BSN: variants seen among roughly 807,000 people sequenced by gnomAD.
The protein encoded by BSN is protein bassoon.
A neutral mutation model predicts 264.8 loss-of-function variants in BSN; 57 were observed. The ratio of observed to expected loss-of-function variants is 0.22; its 90% CI spans 0.17 to 0.27. The LOEUF is 0.27. BSN is among the 10% of genes least tolerant of loss of function. BSN has a pLI of 1.00. For missense variants in BSN, 4,615 were observed against 5,232.5 expected (o/e 0.88, Z 3.64); for synonymous variants, 2,059 against 2,137.3 (o/e 0.96, Z 1.01).
In BSN at chr3:49,661,101, C is replaced by T; in HGVS notation, c.9256C>T (p.Pro3086Ser). 1 of 1,612,070 alleles carries T rather than the reference C, an allele frequency of 6.2e-7. No individual in the cohort carries two copies. Among genetic ancestry groups the T allele is most frequent in the Non-Finnish European group, 8.5e-7 (1 of 1,179,690 alleles). Residue 3086 changes from proline (P) to serine (S), a missense_variant, in exon 6 of 12, where the codon CCC becomes TCC. By Grantham distance (74) the Pro-to-Ser change is moderately conservative (BLOSUM62 -1). Transcript: ENST00000296452. Reference protein sequence around the residue: ...PAHQAPTYPGPSTYPAPAFPP... With the variant: ...PAHQAPTYPGSSTYPAPAFPP... The stretch of plus-strand genomic sequence containing the variant: ...CCACCAGGCCCCCACCTACCCTGGC[C>T]CCAGCACGTACCCAGCTCCTGCCTT...
Position 49,625,103 on chromosome 3 carries a change from C to A in BSN, c.353C>A (p.Ala118Glu). ...SPRETRAQGP[A>E]GQEADGPRRT... ...CGAGAGACAAGGGCACAGGGACCAGCAGGCCAGGAGGCTGATGGTCCCCGC... is the reference window on the plus strand; with the variant it reads ...CGAGAGACAAGGGCACAGGGACCAGAAGGCCAGGAGGCTGATGGTCCCCGC... The change falls in exon 2 of 12, where the codon GCA becomes GAA. Residue 118 changes from alanine to glutamate, a missense_variant. Transcript: ENST00000296452. The surrounding 1 kb of genome is among the most constrained non-coding windows in gnomAD (Gnocchi z 4.4). 1.2e-6 allele frequency: 2 copies of A among 1,604,512 alleles called. No homozygotes were observed. Among genetic ancestry groups the A allele is most frequent in the Non-Finnish European group, 1.7e-6 (2 of 1,175,618 alleles).
At chr3:49,627,467 G>A (rs760556982) in intron 2 of BSN, among the ~76,000 whole-genome samples, 3 of 152,182 alleles carry the variant, frequency 2.0e-5, no homozygotes, top group Non-Finnish European at 4.4e-5. Flanking sequence ...AGCATAATTC[G>A]TGAACCAGTG....
chr3:49,661,059 CAG>C lies in BSN; in HGVS notation c.9216_9217del (p.Asn3073ArgfsTer30). The C allele has an allele frequency of 6.2e-7, 1 of 1,611,940 alleles. No individual in the cohort carries two copies. The highest frequency in any genetic ancestry group is 2.2e-5 in the East Asian group (1 of 44,878). ...QYSAGSGGPT[Q>X]NGFPAHQAPT... ...TTCTGCAGGCAGTGGTGGGCCAACT[CAG>C]AACGGATTCCCAGCCCACCAGGCCC... is the stretch of plus-strand genomic sequence containing the variant. On this transcript the variant is annotated frameshift_variant, in exon 6 of 12. Coordinates refer to ENST00000296452, the MANE Select transcript of BSN (RefSeq NM_003458.4). LOFTEE classifies it high-confidence loss of function.
rs1383018306 is a variant in BSN at position 49,608,814 on chromosome 3, C to G, written c.225-16161C>G. 4.2e-5 allele frequency among the ~76,000 whole-genome samples: 6 copies of G among 144,242 alleles called. No homozygotes were observed. In the Admixed American group the frequency reaches 4.3e-4, roughly 10 times the overall value. The allele number at this position is 144,242 out of a possible 152,430, so 94.6% of individuals were successfully genotyped here. On this transcript the variant is annotated intron_variant, in intron 1 of 11. Coordinates refer to ENST00000296452, the MANE Select transcript of BSN (RefSeq NM_003458.4). ...CTGCACTCTAGCCTGGGTGATAGAG[C>G]AAGACTCCGTCTCGGGAAAAAAAAA...
chr3:49,569,677 A>T (rs558984452), intron 1 of BSN, among the ~76,000 whole-genome samples: 1 of 152,326 alleles, frequency 6.6e-6, no homozygotes, highest in Non-Finnish European at 1.5e-5. Context: ...TTTAAGGCTC[A>T]GACTGGGCAG....
rs201952073 is a variant in BSN, at chr3:49,650,858, C to G, written c.1765C>G (p.Gln589Glu). The change falls in exon 4 of 12, where the codon CAG (glutamine) becomes GAG (glutamate). Residue 589 changes from glutamine (Q) to glutamate (E), a missense_variant. Coordinates refer to ENST00000296452, the MANE Select transcript of BSN (RefSeq NM_003458.4). ...ASPLPSKASP[Q>E]AKPLRASEPS... Reference sequence around the variant, plus strand: ...CCCTCTGCCCAGCAAGGCCAGCCCCCAGGCCAAGCCCCTCAGGGCTTCTGA... The same window carrying G: ...CCCTCTGCCCAGCAAGGCCAGCCCCGAGGCCAAGCCCCTCAGGGCTTCTGA... The G allele has an allele frequency of 9.9e-6, 16 of 1,614,206 alleles. No homozygotes were observed. The African/African-American group carries it at 1.2e-4, about 12-fold the overall frequency.
intron 1 of BSN, among the ~76,000 whole-genome samples, chr3:49,611,992 G>T (rs1274509469): frequency 6.6e-6 from 1 of 152,138 alleles, no homozygotes; most frequent in Non-Finnish European, 1.5e-5. Context: ...CTGCTGATGA[G>T]CTATTACCCA....
intron 5 of BSN, 131 bp downstream of exon 5, chr3:49,658,327 C>A: frequency 8.8e-7 from 1 of 1,137,484 alleles, no homozygotes. Context: ...GGGAAAGAGT[C>A]AATGAGCAGA....
In BSN at chr3:49,651,196, A is replaced by C. The variant is rs2108080020; in HGVS notation, c.1986+117A>C. The C allele has an allele frequency of 9.9e-7, 1 of 1,013,902 alleles. No homozygotes were observed. The highest frequency in any genetic ancestry group is 1.4e-6 in the Non-Finnish European group (1 of 713,104). The allele number at this position is 1,013,902 out of a possible 1,614,324, so 62.8% of individuals were successfully genotyped here. A position where few individuals can be genotyped will look rare whatever the true frequency, so the allele number is the denominator to read the frequency against. On this transcript the variant is annotated intron_variant, in intron 4 of 11. Coordinates refer to ENST00000296452, the MANE Select transcript of BSN (RefSeq NM_003458.4). This position sits in a 1 kb window ranked among gnomAD's most constrained non-coding sequence, Gnocchi z 5.4. ...CAGGACAGGTGCCTTGGGGCCACAC[A>C]GGAGGGAAGGGACACAGTAGAAGGA...
At position 49,650,895 on chromosome 3, in the gene BSN, C is replaced by A. The variant is rs1290326744; in HGVS notation, c.1802C>A (p.Thr601Asn). 6.2e-7 allele frequency: 1 copy of A among 1,614,206 alleles called. No homozygotes were observed. Among genetic ancestry groups the A allele is most frequent in the Non-Finnish European group, 8.5e-7 (1 of 1,180,044 alleles). ...KPLRASEPSK[T>N]PSSVQEKKTR... is the part of the protein sequence containing the mutation. ...CTCAGGGCTTCTGAACCCAGCAAGA[C>A]CCCAAGCAGTGTCCAGGAAAAGAAG... is the stretch of plus-strand genomic sequence containing the variant. The change falls in exon 4 of 12, where the codon ACC becomes AAC. Residue 601 changes from threonine to asparagine, a missense_variant. This residue lies in a region of BSN where 1,197 missense variants were observed against 1,348.0 expected (regional missense o/e 0.89). Coordinates refer to ENST00000296452, the MANE Select transcript of BSN (RefSeq NM_003458.4).
intron 1 of BSN, among the ~76,000 whole-genome samples, chr3:49,565,104 C>T (rs2051742199): frequency 2.1e-5 from 3 of 144,296 alleles, no homozygotes; most frequent in African/African-American, 7.6e-5. Context: ...CTTGTTTTAT[C>T]TATATTCCTC....
At position 49,573,899 on chromosome 3, in the gene BSN, C is replaced by T. The variant is rs200320924; in HGVS notation, c.224+19073C>T. Among the ~76,000 whole-genome samples the T allele has an allele frequency of 8.4e-4, 128 of 152,070 alleles. 2 individuals carry two copies. The East Asian group carries it at 0.02, about 24-fold the overall frequency. ...CTCGAACTCCCGACCTCAGGTGATC[C>T]GCCCGCCTCGGCCTCCCAAAGTGCT... On this transcript the variant is annotated intron_variant, in intron 1 of 11. Transcript: ENST00000296452.
chr3:49,583,462 T>C (rs1321291278), intron 1 of BSN, among the ~76,000 whole-genome samples: 1 of 152,098 alleles, frequency 6.6e-6, no homozygotes. Flanking sequence ...AATTTATTTT[T>C]GGCTGGGCAC....
At position 49,657,298 on chromosome 3, in the gene BSN, C is replaced by T; in HGVS notation, c.7742C>T (p.Ala2581Val). 9 of 1,613,314 alleles carry T rather than the reference C, an allele frequency of 5.6e-6. No homozygotes were observed. The highest frequency in any genetic ancestry group is 7.6e-6 in the Non-Finnish European group (9 of 1,179,874). Residue 2581 changes from alanine to valine, a missense_variant, in exon 5 of 12, where the codon GCC becomes GTC. Ala to Val is a moderately conservative substitution (Grantham distance 64, BLOSUM62 0). Transcript: ENST00000296452. ...GAGCCCTGTGTGGTCAGGAGGATTG[C>T]CGACAGCAGCGTGCAGACAGACGAT... ...GTEPCVVRRI[A>V]DSSVQTDDED...
At chr3:49,574,469 C>G (rs866934627) in intron 1 of BSN, among the ~76,000 whole-genome samples, 1 of 151,846 alleles carries the variant, frequency 6.6e-6, no homozygotes, top group African/African-American at 2.4e-5. Flanking sequence ...CCATGACACC[C>G]CTGACCACAG....
rs1397159989 is a variant in BSN, at chr3:49,654,183, C to T, written c.4627C>T (p.Pro1543Ser). ...GTQTPHRPSTPRLVWQESSQE... is the reference protein window; with the variant it reads ...GTQTPHRPSTSRLVWQESSQE... ...ACAAACACCACATCGACCCAGCACG[C>T]CTCGCCTGGTGTGGCAGGAGTCCTC... Residue 1543 changes from proline (P) to serine (S), a missense_variant, in exon 5 of 12, where the codon CCT (proline) becomes TCT (serine). By Grantham distance (74) the Pro-to-Ser change is moderately conservative. Around this residue, in one of 3 missense-constraint regions of BSN, gnomAD observed 3,415 missense variants for 3,866.4 expected, o/e 0.88. Transcript: ENST00000296452. The surrounding 1 kb of genome is among the most constrained non-coding windows in gnomAD (Gnocchi z 4.1). 1.5e-5 allele frequency: 24 copies of T among 1,614,048 alleles called. No individual in the cohort carries two copies. The highest frequency in any genetic ancestry group is 2.0e-5 in the Non-Finnish European group (24 of 1,180,020).
intron 1 of BSN, among the ~76,000 whole-genome samples, chr3:49,567,979 T>C (rs954265097): frequency 6.6e-6 from 1 of 152,302 alleles, no homozygotes; most frequent in South Asian, 2.1e-4. Flanking sequence ...GGCTGCCTCA[T>C]AGCATGGTTG....
intron 1 of BSN, among the ~76,000 whole-genome samples, chr3:49,617,283 T>TTTTA (rs1260747649): frequency 7.1e-4 from 87 of 122,076 alleles, no homozygotes; most frequent in African/African-American, 2.5e-3. Flanking sequence ...ATAAAATACA[T>TTTTA]TATATATATA....
chr3:49,653,415 G>A lies in BSN; in HGVS notation c.3859G>A (p.Glu1287Lys). The A allele has an allele frequency of 6.2e-7, 1 of 1,613,960 alleles. No individual in the cohort carries two copies. The highest frequency in any genetic ancestry group is 8.5e-7 in the Non-Finnish European group (1 of 1,180,014). ...DLAFAEDKKK[E>K]KQFLNAESAY... ...GGCTTTTGCTGAGGACAAAAAGAAG[G>A]AGAAGCAGTTTCTAAATGCTGAGAG... Residue 1287 changes from glutamate (E) to lysine (K), a missense_variant, in exon 5 of 12, where the codon GAG becomes AAG. Physicochemically the swap from Glu to Lys is moderately conservative, Grantham distance 56 (BLOSUM62 1). Transcript: ENST00000296452. The surrounding 1 kb of genome is among the most constrained non-coding windows in gnomAD (Gnocchi z 6.3).
Sources: allele counts gnomAD v4.1 joint callset (sites outside exome capture counted in the v4.1 genomes callset), GRCh38; gene constraint gnomAD v4.1.1; regional missense constraint gnomAD v4.1.1; non-coding constraint Gnocchi (gnomAD v3.1); transcripts MANE v1.5; gene names NCBI Gene and HGNC (gene_info 2026-07-23, HGNC 2026-07-21).